CFAP77: variants seen among roughly 807,000 people sequenced by gnomAD.
CFAP77 encodes cilia and flagella associated protein 77, also known as cilia- and flagella-associated protein 77.
CFAP77 carries 25 observed loss-of-function variants against 31.1 expected under a neutral mutation model. That is an observed-to-expected ratio of 0.80 (90% CI 0.59 to 1.12). The LOEUF (loss-of-function observed/expected upper bound fraction) is 1.12, where lower values mean the gene tolerates loss of function less well. CFAP77 is among the 50% of genes most tolerant of loss of function. The pLI is 0.00. For missense variants in CFAP77, 377 were observed against 397.3 expected, an observed-to-expected ratio of 0.95 and a Z score of 0.44; for synonymous variants, 151 against 159.9, an observed-to-expected ratio of 0.94 and a Z score of 0.42.
At position 132,514,048 on chromosome 9, in the gene CFAP77, C is replaced by G. The variant is rs909211211; in HGVS notation, c.524+14448C>G. Among the ~76,000 whole-genome samples, 108 of 126,032 alleles carry G rather than the reference C, an allele frequency of 8.6e-4. 7 individuals are homozygous for G. The highest frequency in any genetic ancestry group is 3.0e-3 in the African/African-American group (107 of 35,310). The allele number at this position is 126,032 out of a possible 152,430, so 82.7% of individuals were successfully genotyped here. On this transcript the variant is annotated intron_variant, in intron 3 of 5. Transcript: ENST00000393216. Reference sequence around the variant, plus strand: ...GAACACGGGTGACAGTGAGGAGATCCCCCCGTCTTGTGTCCCTGACCACAG... The same window carrying G: ...GAACACGGGTGACAGTGAGGAGATCGCCCCGTCTTGTGTCCCTGACCACAG...
At position 132,499,509 on chromosome 9, in the gene CFAP77, A is replaced by G. The variant is rs1328778905; in HGVS notation, c.433A>G (p.Asn145Asp). 7 of 1,614,068 alleles carry G rather than the reference A, an allele frequency of 4.3e-6. No homozygotes were observed. Among genetic ancestry groups the G allele is most frequent in the Admixed American group, 1.7e-5 (1 of 60,008 alleles). ...ARENLLYRQL[N>D]DIRISDQDDR... ...GGAGAACTTGCTCTACCGTCAGCTCAATGACATCCGCATCAGTGACCAGGA... is the reference window on the plus strand; with the variant it reads ...GGAGAACTTGCTCTACCGTCAGCTCGATGACATCCGCATCAGTGACCAGGA... Residue 145 changes from asparagine to aspartate, a missense_variant, in exon 3 of 6, where the codon AAT becomes GAT. Physicochemically the swap from Asn to Asp is conservative, Grantham distance 23. Transcript: ENST00000393216. This position sits in a 1 kb window ranked among gnomAD's most constrained non-coding sequence, Gnocchi z 5.4.
intron 3 of CFAP77, among the ~76,000 whole-genome samples, chr9:132,503,601 G>A (rs551950004): frequency 1.3e-5 from 2 of 152,156 alleles, no homozygotes; most frequent in African/African-American, 2.4e-5. Context: ...AAACCTTCAC[G>A]CCAATTTATT....
At chr9:132,470,282 T>C (rs1003992102) in intron 1 of CFAP77, among the ~76,000 whole-genome samples, 10 of 152,294 alleles carry the variant, frequency 6.6e-5, no homozygotes, top group African/African-American at 2.2e-4. Flanking sequence ...ATTACAGCAA[T>C]GCTAGGAGGG....
chr9:132,515,576 G>A (rs960270479), intron 3 of CFAP77, among the ~76,000 whole-genome samples: 15 of 152,012 alleles, frequency 9.9e-5, no homozygotes, highest in Admixed American at 3.9e-4. Context: ...GGGCCTTCTC[G>A]GCCTGATGGG....
At chr9:132,521,594 C>G (rs1211021240) in intron 3 of CFAP77, among the ~76,000 whole-genome samples, 1 of 151,848 alleles carries the variant, frequency 6.6e-6, no homozygotes, top group Non-Finnish European at 1.5e-5. Flanking sequence ...AGGGAGGTCT[C>G]GAGAGGTGTC....
Position 132,501,415 on chromosome 9 carries a change from T to G in CFAP77, c.524+1815T>G, listed in dbSNP as rs1851840073. 6.6e-6 allele frequency among the ~76,000 whole-genome samples: 1 copy of G among 151,874 alleles called. No homozygotes were observed. The highest frequency in any genetic ancestry group is 1.5e-5 in the Non-Finnish European group (1 of 67,926). ...CATGACTATCTTCTTTTTTTTTTTT[T>G]TTGGACAGTGTCTCTGTCTGTCCCC... is the stretch of plus-strand genomic sequence containing the variant. On this transcript the variant is annotated intron_variant, in intron 3 of 5. Coordinates refer to ENST00000393216, the MANE Select transcript of CFAP77 (RefSeq NM_001282957.2). This position sits in a 1 kb window ranked among gnomAD's most constrained non-coding sequence, Gnocchi z 4.6.
intron 1 of CFAP77, among the ~76,000 whole-genome samples, chr9:132,494,423 T>G (rs1851705977): frequency 6.6e-6 from 1 of 152,218 alleles, no homozygotes; most frequent in African/African-American, 2.4e-5. Context: ...TTATCACCCC[T>G]GACTGAGGAC....
At chr9:132,437,551 C>G (rs1452468974) in intron 1 of CFAP77, among the ~76,000 whole-genome samples, 2 of 145,828 alleles carry the variant, frequency 1.4e-5, no homozygotes, top group Non-Finnish European at 3.0e-5. Context: ...ACTCTGTCAC[C>G]CAGGCTGGAG....
At chr9:132,546,420 A>C (rs1852730845) in intron 5 of CFAP77, among the ~76,000 whole-genome samples, 1 of 152,182 alleles carries the variant, frequency 6.6e-6, no homozygotes, top group Non-Finnish European at 1.5e-5. Context: ...CTTCCAGAAA[A>C]GTTGAGCCTG....
chr9:132,477,812 G>A (rs776339794), intron 1 of CFAP77, among the ~76,000 whole-genome samples: 34 of 152,112 alleles, frequency 2.2e-4, no homozygotes, highest in Non-Finnish European at 3.7e-4. Flanking sequence ...AGGCTCAGAC[G>A]GGCAGCCTAG....
chr9:132,483,499 C>T (rs766982371), intron 1 of CFAP77, among the ~76,000 whole-genome samples: 4 of 152,150 alleles, frequency 2.6e-5, no homozygotes, highest in Admixed American at 6.6e-5. Context: ...ACGAGGCTGA[C>T]GCGAACTGAC....
intron 1 of CFAP77, among the ~76,000 whole-genome samples, chr9:132,464,932 G>A (rs1851123438): frequency 6.6e-6 from 1 of 151,992 alleles, no homozygotes; most frequent in South Asian, 2.1e-4. Flanking sequence ...TTAACCGGGT[G>A]TGCTGGTGCA....
chr9:132,553,854 T>G (rs1028484811), intron 5 of CFAP77, among the ~76,000 whole-genome samples: 5 of 152,246 alleles, frequency 3.3e-5, no homozygotes, highest in Non-Finnish European at 5.9e-5. Flanking sequence ...TGACTGAAAC[T>G]GTCTATCAAC....
intron 3 of CFAP77, among the ~76,000 whole-genome samples, chr9:132,526,243 T>C (rs147176309): frequency 8.5e-4 from 129 of 152,198 alleles, no homozygotes; most frequent in African/African-American, 3.0e-3. Flanking sequence ...TTATTTTTAT[T>C]TTTTGAGATG....
At chr9:132,471,758 T>G (rs1160549204) in intron 1 of CFAP77, among the ~76,000 whole-genome samples, 3 of 152,128 alleles carry the variant, frequency 2.0e-5, no homozygotes, top group Admixed American at 1.3e-4. Flanking sequence ...TGGAGTGCAT[T>G]GGTGCCATCA....
At chr9:132,459,937 AGTGT>A in intron 1 of CFAP77, among the ~76,000 whole-genome samples, 1 of 151,342 alleles carries the variant, frequency 6.6e-6, no homozygotes, top group Admixed American at 6.6e-5. Context: ...TGTGTGCGTG[AGTGT>A]GTGTGAGTCT....
At chr9:132,520,928 C>A (rs1266466698) in intron 3 of CFAP77, among the ~76,000 whole-genome samples, 9 of 152,354 alleles carry the variant, frequency 5.9e-5, no homozygotes, top group African/African-American at 2.2e-4. Context: ...TACCCCACTG[C>A]CTGGGCAGAC....
At chr9:132,507,137 C>T (rs1048989310) in intron 3 of CFAP77, among the ~76,000 whole-genome samples, 1 of 152,228 alleles carries the variant, frequency 6.6e-6, no homozygotes, top group African/African-American at 2.4e-5. Flanking sequence ...GCGGCAACCA[C>T]TTCCTGATAA....
At chr9:132,439,996 A>G (rs1311300386) in intron 1 of CFAP77, among the ~76,000 whole-genome samples, 8 of 152,138 alleles carry the variant, frequency 5.3e-5, no homozygotes, top group Non-Finnish European at 7.3e-5. Flanking sequence ...ATCATCATCA[A>G]CATCAGCATA....
Sources: gnomAD v4.1 joint callset for allele counts (sites outside exome capture counted in the v4.1 genomes callset) on GRCh38, gnomAD v4.1.1 for gene constraint, Gnocchi (gnomAD v3.1) non-coding constraint, MANE v1.5 for transcripts, NCBI Gene and HGNC (gene_info 2026-07-23, HGNC 2026-07-21) for gene names.